The following FUT8 variants were observed in gnomAD, a reference collection of about 807,000 sequenced individuals.
FUT8 encodes alpha-(1,6)-fucosyltransferase.
Under a neutral mutation model 71.3 loss-of-function variants are expected in FUT8, and 29 were observed. That is an observed-to-expected ratio of 0.41 (90% CI 0.30 to 0.55). The LOEUF is 0.55. Among genes scored for constraint, FUT8 ranks in the 20% least tolerant of loss-of-function variants. FUT8 has a pLI of 0.34. For synonymous variants in FUT8, 254 were observed against 239.3 expected (o/e 1.06, Z -0.57); for missense variants, 544 against 702.1 (o/e 0.77, Z 2.55).
At chr14:65,368,356 T>G in the FUT8 span, among the ~76,000 whole-genome samples, 1 of 127,752 alleles carries the variant, frequency 7.8e-6, no homozygotes, top group Admixed American at 7.9e-5. Context: ...TTTTTTTTTT[T>G]TGGGACAGAG....
At chr14:65,383,265 CTTTTTTTTTTTTT>C in the FUT8 span, among the ~76,000 whole-genome samples, 2,405 of 86,668 alleles carry the variant, frequency 0.028, 76 homozygotes, top group African/African-American at 0.09. Context: ...TTTTTCTTTT[CTTTTTTTTTTTTT>C]TTTTTTTTTT....
intron 3 of FUT8, among the ~76,000 whole-genome samples, chr14:65,578,210 C>T (rs1886896207): frequency 6.6e-6 from 1 of 151,796 alleles, no homozygotes; most frequent in South Asian, 2.1e-4. Context: ...TTCTTTTACC[C>T]GACTATACTG....
intron 2 of FUT8, among the ~76,000 whole-genome samples, chr14:65,533,542 T>C (rs1884094282): frequency 6.6e-6 from 1 of 152,182 alleles, no homozygotes; most frequent in Non-Finnish European, 1.5e-5. Flanking sequence ...CATTAGCTTA[T>C]GGTGCTTTTG....
At chr14:65,709,912 T>A (rs569714717) in intron 7 of FUT8, among the ~76,000 whole-genome samples, 51 of 152,314 alleles carry the variant, frequency 3.3e-4, no homozygotes, top group African/African-American at 1.2e-3. Context: ...TGTGAGAAAG[T>A]CCACGAAGCC....
At chr14:65,385,716 CT>C in the FUT8 span, among the ~76,000 whole-genome samples, 1 of 152,030 alleles carries the variant, frequency 6.6e-6, no homozygotes, top group African/African-American at 2.4e-5. Context: ...TTTTCTTTGT[CT>C]TTTTTGTAGA....
intron 9 of FUT8, 74 bp from the exon 10 acceptor site, chr14:65,733,157 C>A: frequency 1.1e-6 from 1 of 890,256 alleles, no homozygotes; most frequent in Non-Finnish European, 1.6e-6. Context: ...AGCTCTTAGT[C>A]AAAGGAGAAA....
chr14:65,646,141 A>G (rs1158166840), intron 6 of FUT8: 1 of 152,168 alleles, frequency 6.6e-6, no homozygotes, highest in African/African-American at 2.4e-5. Flanking sequence ...AGCCTCTCCC[A>G]GGGCCTTTGA....
At chr14:65,508,192 C>G (rs894908975) in intron 2 of FUT8, among the ~76,000 whole-genome samples, 3 of 151,422 alleles carry the variant, frequency 2.0e-5, no homozygotes, top group Non-Finnish European at 4.4e-5. Context: ...CTCAGCCTCC[C>G]GAGTAGCTGG....
intron 3 of FUT8, among the ~76,000 whole-genome samples, chr14:65,612,212 A>G (rs929503123): frequency 2.6e-5 from 4 of 152,164 alleles, no homozygotes; most frequent in Admixed American, 1.3e-4. Context: ...ATAATTTACA[A>G]ATATTCTTAA....
intron 3 of FUT8, among the ~76,000 whole-genome samples, chr14:65,615,519 T>A (rs1479782792): frequency 2.0e-5 from 3 of 152,376 alleles, no homozygotes; most frequent in Admixed American, 2.0e-4. Flanking sequence ...CATAGTCTGA[T>A]ATTATAATTA....
chr14:65,561,706 C>T lies in FUT8; in HGVS notation c.143C>T (p.Ala48Val). 1 of 1,613,542 alleles carries T rather than the reference C, an allele frequency of 6.2e-7. No individual in the cohort carries two copies. ...HSSRELSKIL[A>V]KLERLKQQNE... Reference sequence around the variant, plus strand: ...AGCCGAGAACTGTCCAAGATTCTGGCAAAGCTTGAACGCTTAAAACAACAG... The same window carrying T: ...AGCCGAGAACTGTCCAAGATTCTGGTAAAGCTTGAACGCTTAAAACAACAG... The change falls in exon 3 of 11, where the codon GCA becomes GTA. Residue 48 changes from alanine to valine, a missense_variant. By Grantham distance (64) the Ala-to-Val change is moderately conservative. Transcript: ENST00000673929.
the FUT8 span, among the ~76,000 whole-genome samples, chr14:65,384,922 G>A: frequency 7.5e-5 from 11 of 146,086 alleles, 3 homozygotes; most frequent in African/African-American, 2.8e-4. The surrounding 1 kb of genome is among the most constrained non-coding windows in gnomAD (Gnocchi z 4.2). Context: ...ACAGAGTTTC[G>A]CTCTTGTTGC....
intron 3 of FUT8, among the ~76,000 whole-genome samples, chr14:65,590,368 A>G (rs1887624007): frequency 6.6e-6 from 1 of 152,190 alleles, no homozygotes; most frequent in African/African-American, 2.4e-5. Flanking sequence ...ACTCACATGG[A>G]AGGGGATGAG....
intron 3 of FUT8, among the ~76,000 whole-genome samples, chr14:65,593,768 G>T (rs1424999836): frequency 2.6e-5 from 4 of 152,140 alleles, no homozygotes; most frequent in South Asian, 2.1e-4. Context: ...TAGAGATGGG[G>T]TTTCTCCATG....
In FUT8 at chr14:65,531,083, TA is replaced by T. The variant is rs1182547640; in HGVS notation, c.-227-30250del. On this transcript the variant is annotated intron_variant, in intron 2 of 10. Transcript: ENST00000673929. ...CTCTTTCAAATTCCTTCAAGTAGCT[TA>T]AAAGCATTGGAAATTGTAAGCAGAA... Among the ~76,000 whole-genome samples, 12 of 151,418 alleles carry T rather than the reference TA, an allele frequency of 7.9e-5. No homozygotes were observed. The East Asian group carries it at 2.3e-3, about 30-fold the overall frequency.
At chr14:65,376,314 T>C in the FUT8 span, among the ~76,000 whole-genome samples, 2 of 152,148 alleles carry the variant, frequency 1.3e-5, no homozygotes, top group Non-Finnish European at 2.9e-5. Context: ...AATACAATAT[T>C]GTGAACCTGA....
At chr14:65,405,413 T>A in the FUT8 span, among the ~76,000 whole-genome samples, 1 of 152,204 alleles carries the variant, frequency 6.6e-6, no homozygotes, top group Non-Finnish European at 1.5e-5. Flanking sequence ...TTACATATAG[T>A]TAGTATCTTA....
At chr14:65,707,263 AT>A (rs1225731331) in intron 7 of FUT8, among the ~76,000 whole-genome samples, 1 of 151,964 alleles carries the variant, frequency 6.6e-6, no homozygotes, top group African/African-American at 2.4e-5. Context: ...ATTAAAGAGC[AT>A]TTTTTTCCAT....
rs555155600 is a variant in FUT8, at chr14:65,483,964, G to C, written c.-228+28246G>C. ...GCTGGTCTCGAACTCCTGACCTCAA[G>C]TATCTGCCCTCCTCGGCCTCCCAAA... On this transcript the variant is annotated intron_variant, in intron 2 of 10. Coordinates refer to ENST00000673929, the MANE Select transcript of FUT8 (RefSeq NM_001371533.1). The surrounding 1 kb of genome is among the most constrained non-coding windows in gnomAD (Gnocchi z 4.4). Among the ~76,000 whole-genome samples the C allele has an allele frequency of 3.3e-5, 5 of 151,988 alleles. No individual in the cohort carries two copies. The highest frequency in any genetic ancestry group is 1.2e-4 in the African/African-American group (5 of 41,542).
Sources: allele counts gnomAD v4.1 joint callset (sites outside exome capture counted in the v4.1 genomes callset), GRCh38; gene constraint gnomAD v4.1.1; non-coding constraint Gnocchi (gnomAD v3.1); transcripts MANE v1.5; gene names NCBI Gene and HGNC (gene_info 2026-07-23, HGNC 2026-07-21).